TRPV3: variants seen among roughly 807,000 people sequenced by gnomAD.
The protein encoded by TRPV3 is VRL-3.
TRPV3 carries 88 observed loss-of-function variants against 87.1 expected under a neutral mutation model. That is an observed-to-expected ratio of 1.01 (90% CI 0.85 to 1.21). The LOEUF (loss-of-function observed/expected upper bound fraction) is 1.21. TRPV3 is among the 50% of genes most tolerant of loss of function. TRPV3 has a pLI of 0.00. For synonymous variants in TRPV3, 438 were observed against 423.3 expected, an observed-to-expected ratio of 1.03 and a Z score of -0.43; for missense variants, 1,054 against 1,030.1, an observed-to-expected ratio of 1.02 and a Z score of -0.32.
intron 2 of TRPV3, among the ~76,000 whole-genome samples, chr17:3,549,724 T>A (rs2150806369): frequency 6.8e-6 from 1 of 146,760 alleles, no homozygotes; most frequent in Non-Finnish European, 1.5e-5. Context: ...GATGGATGGA[T>A]GGATGGAGGA....
intron 6 of TRPV3, chr17:3,539,454 C>G (rs1214468409): frequency 1.3e-5 from 2 of 152,084 alleles, no homozygotes; most frequent in South Asian, 2.1e-4. Flanking sequence ...GAGTTACAGA[C>G]CAGCCTGGGC....
intron 14 of TRPV3, among the ~76,000 whole-genome samples, chr17:3,519,999 T>TGGAC (rs2074232302): frequency 7.1e-6 from 1 of 140,194 alleles, no homozygotes; most frequent in Admixed American, 7.2e-5. Context: ...GATGGATGGA[T>TGGAC]GGATGGATGG....
chr17:3,545,312 C>T, intron 2 of TRPV3, 41 bp from the exon 3 acceptor site: 1 of 1,480,946 alleles, frequency 6.8e-7, no homozygotes, highest in East Asian at 2.3e-5. Flanking sequence ...CCGAGCCAGG[C>T]AGAGCCTGTC....
intron 13 of TRPV3, among the ~76,000 whole-genome samples, chr17:3,523,665 C>T (rs1251419181): frequency 6.6e-6 from 1 of 150,684 alleles, no homozygotes; most frequent in Non-Finnish European, 1.5e-5. Flanking sequence ...TTGCAGGGAG[C>T]CGAGATCGCA....
intron 12 of TRPV3, among the ~76,000 whole-genome samples, chr17:3,525,118 C>T (rs1487415835): frequency 6.6e-6 from 1 of 152,140 alleles, no homozygotes; most frequent in Non-Finnish European, 1.5e-5. Flanking sequence ...CTCCCAGGCT[C>T]AAGTGATTCT....
At chr17:3,534,359 T>C (rs2074379760) in intron 7 of TRPV3, among the ~76,000 whole-genome samples, 1 of 151,672 alleles carries the variant, frequency 6.6e-6, no homozygotes, top group South Asian at 2.1e-4. Context: ...ACCACTGCAC[T>C]CCAGCAGCCT....
chr17:3,515,745 C>T (rs527517930), intron 16 of TRPV3, among the ~76,000 whole-genome samples: 1 of 152,046 alleles, frequency 6.6e-6, no homozygotes, highest in Non-Finnish European at 1.5e-5. Flanking sequence ...ACGTCACTTT[C>T]CATCTGCCAG....
intron 2 of TRPV3, among the ~76,000 whole-genome samples, chr17:3,547,984 C>T (rs1323474471): frequency 6.6e-6 from 1 of 152,214 alleles, no homozygotes; most frequent in Non-Finnish European, 1.5e-5. Flanking sequence ...CTGACGACAA[C>T]CCGGACTGTG....
chr17:3,543,244 C>T (rs2074486166), intron 5 of TRPV3, among the ~76,000 whole-genome samples: 1 of 152,094 alleles, frequency 6.6e-6, no homozygotes, highest in African/African-American at 2.4e-5. Flanking sequence ...TGAACAGTGG[C>T]CTTCTCCAGC....
In TRPV3 at chr17:3,520,977, T is replaced by C. The variant is rs774408885; in HGVS notation, c.1806A>G (p.Gly602=). The C allele has an allele frequency of 6.3e-7, 1 of 1,597,494 alleles. No individual in the cohort carries two copies. The highest frequency in any genetic ancestry group is 2.2e-5 in the East Asian group (1 of 44,556). The stretch of plus-strand genomic sequence containing the variant: ...TATTATTTATAAATCAATTACCTAC[T>C]CCAAATCCAAGCAAAAACACGATAT... ...FVYIVFLLGF[G]VALASLIEKC... is the part of the protein sequence containing the mutation. The change falls in exon 14 of 18, where the codon GGA becomes GGG. Residue 602 remains glycine (G), a synonymous_variant. Transcript: ENST00000576742.
At chr17:3,545,056 G>A in intron 3 of TRPV3, 111 bp downstream of exon 3, 1 of 669,378 alleles carries the variant, frequency 1.5e-6, no homozygotes, top group Non-Finnish European at 2.7e-6. Context: ...ATAGACAGTG[G>A]TAGCATGCCA....
intron 12 of TRPV3, among the ~76,000 whole-genome samples, chr17:3,526,310 T>G (rs911350928): frequency 3.3e-5 from 5 of 152,034 alleles, no homozygotes; most frequent in African/African-American, 1.2e-4. Flanking sequence ...AAACCCTGTC[T>G]CTACTAAAAA....
chr17:3,544,597 G>A lies in TRPV3; in HGVS notation c.293C>T (p.Ser98Phe). The A allele has an allele frequency of 6.2e-7, 1 of 1,606,844 alleles. No homozygotes were observed. The highest frequency in any genetic ancestry group is 8.5e-7 in the Non-Finnish European group (1 of 1,178,150). ...SPQDDVTETP[S>F]NPNSPSAQLA... ...GACTTACCTGGGGCTGTTGGGATTG[G>A]ATGGGGTCTCTGTCACATCATCCTG... The change falls in exon 4 of 18, where the codon TCC becomes TTC. Residue 98 changes from serine to phenylalanine, a missense_variant. Transcript: ENST00000576742.
rs2074401010 is a variant in TRPV3, at chr17:3,535,542, AGACTCCGCACCGGGC to A, written c.784+16_784+30del. 3 of 1,476,854 alleles carry A rather than the reference AGACTCCGCACCGGGC, an allele frequency of 2.0e-6. No individual in the cohort carries two copies. The highest frequency in any genetic ancestry group is 1.7e-5 in the African/African-American group (1 of 60,300). The allele number at this position is 1,476,854 out of a possible 1,614,324, so 91.5% of individuals were successfully genotyped here. A position where few individuals can be genotyped will look rare whatever the true frequency, so the allele number is the denominator to read the frequency against. On this transcript the variant is annotated intron_variant, in intron 7 of 17. Coordinates refer to ENST00000576742, the MANE Select transcript of TRPV3 (RefSeq NM_145068.4). ...TCCCGTCTCCCTCCTCCCTCCTCCC[AGACTCCGCACCGGGC>A]GGGGGCGGCACCCACCGAAGTAGAA...
At chr17:3,520,860 C>A in intron 14 of TRPV3, 113 bp downstream of exon 14, 2 of 557,500 alleles carry the variant, frequency 3.6e-6, no homozygotes, top group Non-Finnish European at 6.5e-6. Context: ...ATGGCAAGTG[C>A]CCCACTGGTA....
intron 2 of TRPV3, among the ~76,000 whole-genome samples, chr17:3,551,613 A>G (rs1175518799): frequency 1.3e-5 from 2 of 152,172 alleles, no homozygotes; most frequent in Admixed American, 1.3e-4. Flanking sequence ...GAAATGCCCA[A>G]GTGTTCTGGG....
chr17:3,520,197 C>A (rs981970958), intron 14 of TRPV3, among the ~76,000 whole-genome samples: 1 of 152,064 alleles, frequency 6.6e-6, no homozygotes, highest in Non-Finnish European at 1.5e-5. Flanking sequence ...GCAACTGGTA[C>A]GTGGGGGAAA....
chr17:3,530,182 G>C lies in TRPV3; in HGVS notation c.1087C>G (p.Arg363Gly), dbSNP rs773431072. Residue 363 changes from arginine (R) to glycine (G), a missense_variant, in exon 9 of 18, where the codon CGT becomes GGT. Arg to Gly is a moderately radical substitution (Grantham distance 125, BLOSUM62 -2). Transcript: ENST00000576742. This position sits in a 1 kb window ranked among gnomAD's most constrained non-coding sequence, Gnocchi z 4.0. ...KAEILKYILS[R>G]EIKEKRLRSL... ...CGGAGCCGCTTCTCCTTGATCTCAC[G>C]ACTGAGGATGTACTTCAGGATCTGG... is the stretch of plus-strand genomic sequence containing the variant. The C allele has an allele frequency of 1.2e-6, 2 of 1,613,176 alleles. No homozygotes were observed. The highest frequency in any genetic ancestry group is 3.3e-5 in the Admixed American group (2 of 59,940).
intron 13 of TRPV3, 51 bp from the exon 14 acceptor site, chr17:3,521,090 G>C: frequency 8.2e-7 from 1 of 1,222,814 alleles, no homozygotes; most frequent in Non-Finnish European, 1.2e-6. Context: ...ACATATTCAC[G>C]GCACCCTGAT....
Sources: allele counts gnomAD v4.1 joint callset (sites outside exome capture counted in the v4.1 genomes callset), GRCh38; gene constraint gnomAD v4.1.1; non-coding constraint Gnocchi (gnomAD v3.1); transcripts MANE v1.5; gene names NCBI Gene and HGNC (gene_info 2026-07-23, HGNC 2026-07-21).